Variants in CARF observed in about 807,000 individuals in gnomAD.
CARF encodes calcium-responsive transcription factor.
In CARF, 57 loss-of-function variants were observed where a neutral mutation model predicts 82.0. The ratio of observed to expected loss-of-function variants is 0.70; its 90% CI spans 0.56 to 0.87. The LOEUF is 0.87. CARF is among the 40% of genes least tolerant of loss of function. The pLI, the probability that CARF is intolerant of heterozygous loss-of-function variation, is 0.00. For missense variants in CARF, 771 were observed against 855.8 expected (o/e 0.90, Z 1.24); for synonymous variants, 268 against 290.1 (o/e 0.92, Z 0.77).
chr2:202,951,799 A>G (rs1214374526), intron 5 of CARF, among the ~76,000 whole-genome samples: 5 of 152,002 alleles, frequency 3.3e-5, no homozygotes, highest in Non-Finnish European at 7.4e-5. Context: ...TGAGATACCA[A>G]AATAAATCCT....
At chr2:202,973,825 C>A (rs138151979) in intron 12 of CARF, among the ~76,000 whole-genome samples, 1 of 152,110 alleles carries the variant, frequency 6.6e-6, no homozygotes, top group Non-Finnish European at 1.5e-5. Flanking sequence ...TGGTGGCTCA[C>A]GCCTGTAATC....
At chr2:202,927,563 A>G (rs1319616569) in intron 3 of CARF, among the ~76,000 whole-genome samples, 2 of 151,972 alleles carry the variant, frequency 1.3e-5, no homozygotes, top group African/African-American at 4.8e-5. Context: ...TTTTTAATTG[A>G]CACATAATTG....
intron 2 of CARF, among the ~76,000 whole-genome samples, chr2:202,918,382 A>G (rs1364517842): frequency 3.9e-5 from 6 of 151,984 alleles, no homozygotes; most frequent in Non-Finnish European, 7.4e-5. Context: ...TTAGCCGGGC[A>G]TGGTGGCGGG....
chr2:202,966,175 A>C (rs2059542144), intron 9 of CARF, among the ~76,000 whole-genome samples: 1 of 152,014 alleles, frequency 6.6e-6, no homozygotes, highest in Non-Finnish European at 1.5e-5. Context: ...ACTTCCTACC[A>C]CTTTGGCCAT....
intron 5 of CARF, among the ~76,000 whole-genome samples, chr2:202,943,740 C>T (rs1456556857): frequency 3.9e-5 from 6 of 151,936 alleles, no homozygotes; most frequent in South Asian, 2.1e-4. Flanking sequence ...CTCCGCCTCC[C>T]GGGTTCAAGC....
At chr2:202,934,737 G>T (rs772976149) in intron 3 of CARF, 1 of 152,222 alleles carries the variant, frequency 6.6e-6, no homozygotes, top group Non-Finnish European at 1.5e-5. Flanking sequence ...TTACAGGCAT[G>T]AGCCACTGCA....
intron 5 of CARF, among the ~76,000 whole-genome samples, chr2:202,944,641 C>G (rs2058402378): frequency 1.3e-5 from 2 of 152,212 alleles, no homozygotes; most frequent in African/African-American, 4.8e-5. Context: ...CAGAACCATA[C>G]TGCATCACCG....
chr2:202,948,510 C>T (rs905907157), intron 5 of CARF, among the ~76,000 whole-genome samples: 1 of 151,720 alleles, frequency 6.6e-6, no homozygotes, highest in Non-Finnish European at 1.5e-5. Flanking sequence ...TCCATTTGTT[C>T]GTATCTTCTC....
intron 5 of CARF, among the ~76,000 whole-genome samples, chr2:202,944,760 C>G (rs1322993874): frequency 2.0e-5 from 3 of 151,030 alleles, no homozygotes; most frequent in Non-Finnish European, 4.4e-5. Flanking sequence ...GACATTTATT[C>G]TAGTTTCTAT....
rs199839011 is a variant in CARF at position 202,984,032 on chromosome 2, AT to A, written c.*418del. On this transcript the variant is annotated 3_prime_UTR_variant, in exon 17 of 17. Transcript: ENST00000438828. ...TTGTATGTGTGTATGTATATCATGAATTTTTTTTTTAAGTTCTGAAAAAGAA... is the reference window on the plus strand; with the variant it reads ...TTGTATGTGTGTATGTATATCATGAATTTTTTTTTAAGTTCTGAAAAAGAA... 41 of 152,152 alleles carry A rather than the reference AT, an allele frequency of 2.7e-4. No individual in the cohort carries two copies. The highest frequency in any genetic ancestry group is 1.9e-3 in the Admixed American group (28 of 15,130). 9.4% of individuals were successfully genotyped at this position (152,152 alleles called of 1,614,324 possible). A position where few individuals can be genotyped will look rare whatever the true frequency, so the allele number is the denominator to read the frequency against.
rs536858856 is a variant in CARF at position 202,929,070 on chromosome 2, T to G, written c.-44+4655T>G. ...GAGAGATGTCTGTTCAGCTCATTTG[T>G]CCATTTCTAAATGAAATTATTTATT... On this transcript the variant is annotated intron_variant, in intron 3 of 16. Transcript: ENST00000438828. Among the ~76,000 whole-genome samples, 5 of 152,308 alleles carry G rather than the reference T, an allele frequency of 3.3e-5. No homozygotes were observed. In the South Asian group the frequency reaches 1.0e-3, roughly 32 times the overall value.
At chr2:202,973,072 T>C (rs899799310) in intron 12 of CARF, among the ~76,000 whole-genome samples, 1 of 152,192 alleles carries the variant, frequency 6.6e-6, no homozygotes, top group African/African-American at 2.4e-5. Flanking sequence ...TTCGGTGTTT[T>C]CTTATAGCAT....
chr2:202,946,297 A>G (rs946598375), intron 5 of CARF, among the ~76,000 whole-genome samples: 10 of 152,254 alleles, frequency 6.6e-5, no homozygotes, highest in Non-Finnish European at 1.5e-4. Context: ...GTATCAAAAC[A>G]GATATACAGA....
At chr2:202,929,280 AC>A (rs1454034922) in intron 3 of CARF, among the ~76,000 whole-genome samples, 1 of 152,156 alleles carries the variant, frequency 6.6e-6, no homozygotes, top group Non-Finnish European at 1.5e-5. Context: ...CTGAAGCATT[AC>A]CCCTGTGTTT....
In CARF at chr2:202,983,743, G is replaced by T; in HGVS notation, c.*119G>T. 3.0e-6 allele frequency: 2 copies of T among 674,154 alleles called. No homozygotes were observed. The highest frequency in any genetic ancestry group is 5.2e-6 in the Non-Finnish European group (2 of 386,308). The allele number at this position is 674,154 out of a possible 1,614,324, so 41.8% of individuals were successfully genotyped here. A position where few individuals can be genotyped will look rare whatever the true frequency, so the allele number is the denominator to read the frequency against. On this transcript the variant is annotated 3_prime_UTR_variant, in exon 17 of 17. Transcript: ENST00000438828. The stretch of plus-strand genomic sequence containing the variant: ...GGACTGAAGACCAGTTTGATGAGAA[G>T]CTTTTATTTAAAACTGATATATTTG...
chr2:202,926,530 T>C (rs535521953), intron 3 of CARF, among the ~76,000 whole-genome samples: 1 of 152,222 alleles, frequency 6.6e-6, no homozygotes, highest in Non-Finnish European at 1.5e-5. Flanking sequence ...AAATCAGTAG[T>C]AGTGTAAGAA....
intron 8 of CARF, among the ~76,000 whole-genome samples, chr2:202,958,903 CA>C (rs36028794): frequency 0.14 from 12,521 of 88,964 alleles, 385 homozygotes; most frequent in Middle Eastern, 0.16. Context: ...GACTCCGTCT[CA>C]AAAAAAAAAA....
chr2:202,964,920 T>G (rs1416099786), intron 9 of CARF, among the ~76,000 whole-genome samples: 6 of 150,014 alleles, frequency 4.0e-5, no homozygotes, highest in Middle Eastern at 7.1e-3. Flanking sequence ...CACATACATA[T>G]ATGAGAATCC....
In CARF at chr2:202,984,694, A is replaced by T. The variant is rs1321270329; in HGVS notation, c.*1070A>T. 2.0e-5 allele frequency: 3 copies of T among 152,180 alleles called. No individual in the cohort carries two copies. The highest frequency in any genetic ancestry group is 7.2e-5 in the African/African-American group (3 of 41,440). The allele number at this position is 152,180 out of a possible 1,614,324, so 9.4% of individuals were successfully genotyped here. A position where few individuals can be genotyped will look rare whatever the true frequency, so the allele number is the denominator to read the frequency against. On this transcript the variant is annotated 3_prime_UTR_variant, in exon 17 of 17. Coordinates refer to ENST00000438828, the MANE Select transcript of CARF (RefSeq NM_024744.17). ...CTGATCTGGGATTTTTTTGTTAAGT[A>T]AGTATATTAACTTCAAATACCAAAT...
Sources: allele counts gnomAD v4.1 joint callset (sites outside exome capture counted in the v4.1 genomes callset), GRCh38; gene constraint gnomAD v4.1.1; transcripts MANE v1.5; gene names NCBI Gene and HGNC (gene_info 2026-07-23, HGNC 2026-07-21).